The following ADCY5 variants were observed in gnomAD, a reference collection of about 807,000 sequenced individuals.
ADCY5 encodes adenylate cyclase type 5.
A neutral mutation model predicts 119.7 loss-of-function variants in ADCY5; 30 were observed. The observed-to-expected ratio is 0.25, with a 90% CI of 0.19 to 0.34. The LOEUF is 0.34. Among genes scored for constraint, ADCY5 ranks in the 10% least tolerant of loss-of-function variants. ADCY5 has a pLI of 1.00. For synonymous variants in ADCY5, 753 were observed against 762.2 expected (o/e 0.99, Z 0.20); for missense variants, 1,324 against 1,775.2 (o/e 0.75, Z 4.57).
chr3:123,296,428 C>T (rs901306925), intron 16 of ADCY5, among the ~76,000 whole-genome samples: 2 of 152,218 alleles, frequency 1.3e-5, no homozygotes, highest in African/African-American at 4.8e-5. Flanking sequence ...CTTGCACCTG[C>T]AGCTCAGGCA....
At chr3:123,297,000 G>C (rs1488221983) in intron 16 of ADCY5, 9 of 1,536,050 alleles carry the variant, frequency 5.9e-6, no homozygotes, top group Non-Finnish European at 7.8e-6. Flanking sequence ...TGACTCCAGA[G>C]GGAAAGTAGG....
At chr3:123,360,807 G>C (rs538002193) in intron 1 of ADCY5, among the ~76,000 whole-genome samples, 72 of 152,298 alleles carry the variant, frequency 4.7e-4, no homozygotes, top group African/African-American at 1.7e-3. Flanking sequence ...AGGAATGATT[G>C]GGTACAGCAA....
At chr3:123,374,679 C>G (rs1428985608) in intron 1 of ADCY5, among the ~76,000 whole-genome samples, 1 of 151,392 alleles carries the variant, frequency 6.6e-6, no homozygotes, top group Non-Finnish European at 1.5e-5. Flanking sequence ...AACTATTTGT[C>G]TTCTTTGGCA....
chr3:123,439,728 G>C (rs1490133005), intron 1 of ADCY5, among the ~76,000 whole-genome samples: 2 of 152,218 alleles, frequency 1.3e-5, no homozygotes, highest in African/African-American at 4.8e-5. Flanking sequence ...TTTAGTGGGA[G>C]AGCCTGGGCT....
At position 123,363,014 on chromosome 3, in the gene ADCY5, G is replaced by A. The variant is rs542939559; in HGVS notation, c.1135-10433C>T. ...AAAAATTAGCTGGGCGTGGTGGTGC[G>A]CACCTGTAATCCCAGCTACTCGGGA... On this transcript the variant is annotated intron_variant, in intron 1 of 20. Transcript: ENST00000462833. Among the ~76,000 whole-genome samples, 39 of 151,682 alleles carry A rather than the reference G, an allele frequency of 2.6e-4. No individual in the cohort carries two copies. In the East Asian group the frequency reaches 4.3e-3, roughly 17 times the overall value.
rs1938582151 is a variant in ADCY5 at position 123,284,284 on chromosome 3, A to T, written c.*324T>A. 6.7e-6 allele frequency: 2 copies of T among 296,720 alleles called. No homozygotes were observed. Among genetic ancestry groups the T allele is most frequent in the Non-Finnish European group, 1.3e-5 (2 of 155,068 alleles). The allele number at this position is 296,720 out of a possible 1,614,324, so 18.4% of individuals were successfully genotyped here. A position where few individuals can be genotyped will look rare whatever the true frequency, so the allele number is the denominator to read the frequency against. ...GCCCTGCCCTTGTCTGGGCCGTGCCACACACACATTCCCACGGCTCCTTTC... is the reference window on the plus strand; with the variant it reads ...GCCCTGCCCTTGTCTGGGCCGTGCCTCACACACATTCCCACGGCTCCTTTC... On this transcript the variant is annotated 3_prime_UTR_variant, in exon 21 of 21. Coordinates refer to ENST00000462833, the MANE Select transcript of ADCY5 (RefSeq NM_183357.3).
Position 123,286,427 on chromosome 3 carries a change from C to T in ADCY5, c.3657+258G>A, listed in dbSNP as rs576263045. On this transcript the variant is annotated intron_variant, in intron 20 of 20. Transcript: ENST00000462833. This position sits in a 1 kb window ranked among gnomAD's most constrained non-coding sequence, Gnocchi z 4.2. ...AGCTCGGCCTCTACAATCAGATCCA[C>T]TCCCAGCAGCCCCCAGTCCCTTCCA... 2.6e-5 allele frequency among the ~76,000 whole-genome samples: 4 copies of T among 152,334 alleles called. No individual in the cohort carries two copies. The South Asian group carries it at 6.2e-4, about 24-fold the overall frequency.
intron 1 of ADCY5, chr3:123,416,305 G>A: frequency 6.5e-7 from 1 of 1,535,950 alleles, no homozygotes; most frequent in South Asian, 1.2e-5. Context: ...CCCAAAAAGG[G>A]GCTAAAGGCA....
chr3:123,345,757 G>GACACACACACAC (rs1231817435), intron 3 of ADCY5, among the ~76,000 whole-genome samples: 12 of 61,086 alleles, frequency 2.0e-4, no homozygotes, highest in Admixed American at 5.8e-4. Flanking sequence ...CAGACAGACA[G>GACACACACACAC]ACAGACAGAC....
chr3:123,412,955 G>A (rs763542007), intron 1 of ADCY5, among the ~76,000 whole-genome samples: 6 of 152,212 alleles, frequency 3.9e-5, no homozygotes, highest in Non-Finnish European at 7.3e-5. Flanking sequence ...GCCTGATAGA[G>A]CAGGCGGCAC....
intron 19 of ADCY5, chr3:123,287,132 A>T (rs528694058): frequency 1.4e-4 from 33 of 232,638 alleles, no homozygotes; most frequent in African/African-American, 6.8e-4. Flanking sequence ...GGCGCAACCT[A>T]TCAGACTGGC....
intron 5 of ADCY5, 121 bp downstream of exon 5, chr3:123,330,768 T>G: frequency 1.5e-6 from 2 of 1,350,736 alleles, no homozygotes; most frequent in Non-Finnish European, 2.0e-6. Context: ...GGGCACCTTT[T>G]GGCAGACAGT....
intron 16 of ADCY5, 196 bp downstream of exon 16, chr3:123,297,157 C>A (rs1033551566): frequency 1.5e-5 from 21 of 1,384,390 alleles, no homozygotes; most frequent in Non-Finnish European, 2.1e-5. Flanking sequence ...TGGCAGGGAT[C>A]ATGAAAGTGA....
chr3:123,327,688 C>A lies in ADCY5; in HGVS notation c.1877G>T (p.Gly626Val). 6.2e-7 allele frequency: 1 copy of A among 1,614,078 alleles called. No homozygotes were observed. The highest frequency in any genetic ancestry group is 8.5e-7 in the Non-Finnish European group (1 of 1,180,004). The change falls in exon 7 of 21, where the codon GGC becomes GTC. Residue 626 changes from glycine to valine, a missense_variant. Gly to Val is a moderately radical substitution (Grantham distance 109). Around this residue, in one of 6 missense-constraint regions of ADCY5, gnomAD observed 424 missense variants for 546.8 expected, o/e 0.78. Coordinates refer to ENST00000462833, the MANE Select transcript of ADCY5 (RefSeq NM_183357.3). Reference protein sequence around the residue: ...GDYEVEPGCGGERNAYLKEHS... With the variant: ...GDYEVEPGCGVERNAYLKEHS... ...CTCCTTGAGGTAGGCGTTGCGCTCG[C>A]CCCCACAGCCTGGCTCCACCTCGTA...
At chr3:123,416,149 T>C (rs913941962) in intron 1 of ADCY5, 1 of 1,535,258 alleles carries the variant, frequency 6.5e-7, no homozygotes, top group African/African-American at 1.4e-5. Context: ...AAGGGACAGG[T>C]AGTGTGGGAG....
Position 123,319,836 on chromosome 3 carries a change from C to G in ADCY5, c.2112-18G>C, listed in dbSNP as rs753955044. ...GGGCGTTCCTGGGGAGCAGAAGGCA[C>G]GGGCGTGAGACAGGCTGACCACAGG... On this transcript the variant is annotated intron_variant, in intron 9 of 20. Coordinates refer to ENST00000462833, the MANE Select transcript of ADCY5 (RefSeq NM_183357.3). The G allele has an allele frequency of 6.2e-7, 1 of 1,610,826 alleles. No homozygotes were observed. Among genetic ancestry groups the G allele is most frequent in the African/African-American group, 1.3e-5 (1 of 74,876 alleles).
In ADCY5 at chr3:123,347,776, C is replaced by T. The variant is rs1368774420; in HGVS notation, c.1406+6G>A. ...TTCCATCCTCCTCCCCCAGCTTCAC[C>T]CCTACCTCACGTTGTCATGTTTCTG... On this transcript the variant is annotated splice_donor_region_variant and intron_variant, in intron 3 of 20. Coordinates refer to ENST00000462833, the MANE Select transcript of ADCY5 (RefSeq NM_183357.3). 1.2e-6 allele frequency: 2 copies of T among 1,613,894 alleles called. No individual in the cohort carries two copies. Among genetic ancestry groups the T allele is most frequent in the South Asian group, 1.1e-5 (1 of 91,080 alleles).
rs372483732 is a variant in ADCY5 at position 123,411,896 on chromosome 3, C to T, written c.1134+35516G>A. Among the ~76,000 whole-genome samples the T allele has an allele frequency of 6.6e-5, 10 of 152,280 alleles. No homozygotes were observed. The East Asian group carries it at 1.2e-3, about 18-fold the overall frequency. ...CTGTGGCCCTGTCACCCATCCCCTG[C>T]CCCCGCATAGCCCAGTGTCCATCCC... On this transcript the variant is annotated intron_variant, in intron 1 of 20. Coordinates refer to ENST00000462833, the MANE Select transcript of ADCY5 (RefSeq NM_183357.3).
chr3:123,417,941 C>A (rs1395666958), intron 1 of ADCY5, among the ~76,000 whole-genome samples: 1 of 152,218 alleles, frequency 6.6e-6, no homozygotes, highest in Non-Finnish European at 1.5e-5. Flanking sequence ...GGCCTTCCAA[C>A]AGAGCGAGAC....
Sources: allele counts gnomAD v4.1 joint callset (sites outside exome capture counted in the v4.1 genomes callset), GRCh38; gene constraint gnomAD v4.1.1; regional missense constraint gnomAD v4.1.1; non-coding constraint Gnocchi (gnomAD v3.1); transcripts MANE v1.5; gene names NCBI Gene and HGNC (gene_info 2026-07-23, HGNC 2026-07-21).